The following TMEM154 variants were observed in gnomAD, a reference collection of about 807,000 sequenced individuals.
TMEM154 encodes transmembrane protein 154.
A neutral mutation model predicts 24.5 loss-of-function variants in TMEM154; 27 were observed. The observed-to-expected ratio is 1.10, with a 90% CI of 0.81 to 1.52. The LOEUF (loss-of-function observed/expected upper bound fraction) is 1.52. TMEM154 is among the 40% of genes most tolerant of loss of function. The probability of loss-of-function intolerance (pLI) is 0.00; values close to 1 mark genes in which losing one functional copy is unlikely to be tolerated. For synonymous variants in TMEM154, 67 were observed against 76.8 expected (o/e 0.87, Z 0.67); for missense variants, 228 against 213.4 (o/e 1.07, Z -0.43).
At chr4:152,648,716 T>C (rs990919096) in intron 3 of TMEM154, among the ~76,000 whole-genome samples, 4 of 152,166 alleles carry the variant, frequency 2.6e-5, no homozygotes, top group African/African-American at 9.7e-5. Flanking sequence ...TGTAAATGGC[T>C]TTTGAACCTT....
At position 152,649,195 on chromosome 4, in the gene TMEM154, TAAA is replaced by T. The variant is rs1334343100; in HGVS notation, c.364+3340_364+3342del. Among the ~76,000 whole-genome samples the T allele has an allele frequency of 1.4e-3, 215 of 152,356 alleles. 1 individual carries two copies. Among genetic ancestry groups the T allele is most frequent in the African/African-American group, 4.7e-3 (194 of 41,592 alleles). Reference sequence around the variant, plus strand: ...TGCCCTGTCATGGGTGTGAGGGACATAAAGTGAGTTTTGTATACATGTATGACT... The same window carrying T: ...TGCCCTGTCATGGGTGTGAGGGACATGTGAGTTTTGTATACATGTATGACT... On this transcript the variant is annotated intron_variant, in intron 3 of 6. Transcript: ENST00000304385.
chr4:152,658,169 A>T (rs1294547779), intron 1 of TMEM154, among the ~76,000 whole-genome samples: 1 of 152,226 alleles, frequency 6.6e-6, no homozygotes, highest in East Asian at 1.9e-4. Context: ...AAATTAAATA[A>T]CATGCTCCTG....
intron 3 of TMEM154, chr4:152,646,923 G>A (rs1001066485): frequency 3.0e-5 from 21 of 702,220 alleles, no homozygotes; most frequent in Middle Eastern, 2.3e-4. Flanking sequence ...TTTATCGCCC[G>A]CTGTTTTCCC....
At chr4:152,655,794 C>T (rs1728479494) in intron 1 of TMEM154, among the ~76,000 whole-genome samples, 1 of 152,144 alleles carries the variant, frequency 6.6e-6, no homozygotes, top group Non-Finnish European at 1.5e-5. Flanking sequence ...GAAAGCAATC[C>T]CATCCTCTGC....
intron 1 of TMEM154, among the ~76,000 whole-genome samples, chr4:152,675,596 C>T (rs970483880): frequency 2.0e-5 from 3 of 151,718 alleles, no homozygotes; most frequent in Non-Finnish European, 4.4e-5. Flanking sequence ...CATTGCACTC[C>T]AGCCTGGGCA....
In TMEM154 at chr4:152,628,263, A is replaced by ATG. The variant is rs375411212; in HGVS notation, c.*281_*282dup. 580 of 519,422 alleles carry ATG rather than the reference A, an allele frequency of 1.1e-3. 3 individuals are homozygous for ATG. The highest frequency in any genetic ancestry group is 0.011 in the African/African-American group (545 of 50,278). The allele number at this position is 519,422 out of a possible 1,614,324, so 32.2% of individuals were successfully genotyped here. A position where few individuals can be genotyped will look rare whatever the true frequency, so the allele number is the denominator to read the frequency against. ...GAAGTTGGCTGAGAGGAGGCAACAC[A>ATG]TGTTGATCAGAAGTGAGCACATCAC... On this transcript the variant is annotated 3_prime_UTR_variant, in exon 7 of 7. Coordinates refer to ENST00000304385, the MANE Select transcript of TMEM154 (RefSeq NM_152680.3).
At chr4:152,668,968 C>T (rs953301983) in intron 1 of TMEM154, 3 of 152,214 alleles carry the variant, frequency 2.0e-5, no homozygotes, top group Admixed American at 6.5e-5. Context: ...CAATCCTACC[C>T]TTCCATCCTG....
chr4:152,669,416 T>G (rs1326630235), intron 1 of TMEM154: 1 of 152,212 alleles, frequency 6.6e-6, no homozygotes, highest in Non-Finnish European at 1.5e-5. Context: ...GAGTATCAGA[T>G]AAACAATGAA....
chr4:152,665,987 A>T (rs1227655245), intron 1 of TMEM154, among the ~76,000 whole-genome samples: 1 of 151,916 alleles, frequency 6.6e-6, no homozygotes, highest in Admixed American at 6.6e-5. Context: ...AGGGAGTCTC[A>T]CTTTGTTACC....
rs138979572 is a variant in TMEM154 at position 152,674,982 on chromosome 4, C to G, written c.64+4888G>C. 6.9e-3 allele frequency among the ~76,000 whole-genome samples: 1,044 copies of G among 151,590 alleles called. 7 individuals carry two copies. Among genetic ancestry groups the G allele is most frequent in the African/African-American group, 0.025 (1,017 of 41,322 alleles). On this transcript the variant is annotated intron_variant, in intron 1 of 6. Transcript: ENST00000304385. ...ACCAGCCTGGCCAACATAGTGAAAC[C>G]CTGTCTGTACTAAAAATACAAAAAT... is the stretch of plus-strand genomic sequence containing the variant.
intron 1 of TMEM154, among the ~76,000 whole-genome samples, chr4:152,664,238 A>G (rs1182264670): frequency 6.6e-6 from 1 of 152,182 alleles, no homozygotes. Flanking sequence ...CATGGATGAA[A>G]CTGGAAGCCA....
Position 152,622,996 on chromosome 4 carries a change from C to G in TMEM154, c.*5550G>C, listed in dbSNP as rs1338192578. 1 of 152,132 alleles carries G rather than the reference C, an allele frequency of 6.6e-6. No individual in the cohort carries two copies. The highest frequency in any genetic ancestry group is 1.5e-5 in the Non-Finnish European group (1 of 68,038). The allele number at this position is 152,132 out of a possible 1,614,324, so 9.4% of individuals were successfully genotyped here. ...GGATTACAGGTGTGTACTACCACAC[C>G]TGGCTAATTTTTGCATTTTTGTAAA... On this transcript the variant is annotated 3_prime_UTR_variant, in exon 7 of 7. Transcript: ENST00000304385.
chr4:152,640,878 C>CA lies in TMEM154; in HGVS notation c.536+49_536+50insT, dbSNP rs577504551. On this transcript the variant is annotated intron_variant, in intron 6 of 6. Coordinates refer to ENST00000304385, the MANE Select transcript of TMEM154 (RefSeq NM_152680.3). ...AAGTGTTCCACCCTGGTTCCCAATCCCCCCGCCCCCCGCCATATACATGTA... is the reference window on the plus strand; with the variant it reads ...AAGTGTTCCACCCTGGTTCCCAATCCACCCCGCCCCCCGCCATATACATGTA... 444 of 1,225,898 alleles carry CA rather than the reference C, an allele frequency of 3.6e-4. 2 individuals are homozygous for CA. The African/African-American group carries it at 6.4e-3, about 18-fold the overall frequency. 75.9% of individuals were successfully genotyped at this position (1,225,898 alleles called of 1,614,324 possible). A position where few individuals can be genotyped will look rare whatever the true frequency, so the allele number is the denominator to read the frequency against.
chr4:152,629,946 C>T (rs1200096282), intron 6 of TMEM154, among the ~76,000 whole-genome samples: 1 of 152,008 alleles, frequency 6.6e-6, no homozygotes, highest in Non-Finnish European at 1.5e-5. Flanking sequence ...GAGGCATAAG[C>T]TATCATAAGG....
intron 1 of TMEM154, among the ~76,000 whole-genome samples, chr4:152,657,480 C>T (rs1040680731): frequency 6.6e-6 from 1 of 152,090 alleles, no homozygotes; most frequent in African/African-American, 2.4e-5. Flanking sequence ...TGCCACTGTA[C>T]TTTAGCCTCA....
intron 3 of TMEM154, among the ~76,000 whole-genome samples, chr4:152,647,899 G>A (rs1728296498): frequency 6.6e-6 from 1 of 152,310 alleles, no homozygotes; most frequent in Middle Eastern, 3.4e-3. Flanking sequence ...GTGCCAGGAA[G>A]TGCAAGCCAA....
At chr4:152,631,028 A>C (rs1336374455) in intron 6 of TMEM154, among the ~76,000 whole-genome samples, 3 of 152,202 alleles carry the variant, frequency 2.0e-5, no homozygotes, top group Admixed American at 6.5e-5. Flanking sequence ...AGGCTACTTC[A>C]AATTTTTAAT....
At position 152,628,536 on chromosome 4, in the gene TMEM154, C is replaced by T. The variant is rs369926800; in HGVS notation, c.*10G>A. ...CTGCTTCTCTTGGAAAACATGAGCG[C>T]CATTCAGGTTTAGGATTCACTGTCA... On this transcript the variant is annotated 3_prime_UTR_variant, in exon 7 of 7. Coordinates refer to ENST00000304385, the MANE Select transcript of TMEM154 (RefSeq NM_152680.3). 5 of 1,352,618 alleles carry T rather than the reference C, an allele frequency of 3.7e-6. No individual in the cohort carries two copies. In the African/African-American group the frequency reaches 8.9e-5, roughly 24 times the overall value. 83.8% of individuals were successfully genotyped at this position (1,352,618 alleles called of 1,614,324 possible). A position where few individuals can be genotyped will look rare whatever the true frequency, so the allele number is the denominator to read the frequency against.
Position 152,622,670 on chromosome 4 carries a change from T to TA in TMEM154, c.*5875dup, listed in dbSNP as rs1160526632. On this transcript the variant is annotated 3_prime_UTR_variant, in exon 7 of 7. Coordinates refer to ENST00000304385, the MANE Select transcript of TMEM154 (RefSeq NM_152680.3). ...AAAAAATGGAGTTGAGAATAATTTA[T>TA]ATATACATATGTATACTGACATTTA... The TA allele has an allele frequency of 2.6e-5, 4 of 152,178 alleles. No individual in the cohort carries two copies. The allele number at this position is 152,178 out of a possible 1,614,324, so 9.4% of individuals were successfully genotyped here. A position where few individuals can be genotyped will look rare whatever the true frequency, so the allele number is the denominator to read the frequency against.
Sources: gnomAD v4.1 joint callset for allele counts (sites outside exome capture counted in the v4.1 genomes callset) on GRCh38, gnomAD v4.1.1 for gene constraint, MANE v1.5 for transcripts, NCBI Gene and HGNC (gene_info 2026-07-23, HGNC 2026-07-21) for gene names.